The following AFF3 variants were observed in gnomAD, a reference collection of about 807,000 sequenced individuals.
AFF3 encodes the protein ALF transcription elongation factor 3, also known as AF4/FMR2 family member 3.
In AFF3, 32 loss-of-function variants were observed where a neutral mutation model predicts 129.7. That is an observed-to-expected ratio of 0.25 (90% CI 0.19 to 0.33). AFF3 has a LOEUF of 0.33. AFF3 is among the 10% of genes least tolerant of loss of function. AFF3 has a pLI of 1.00. For synonymous variants in AFF3, 644 were observed against 635.4 expected (o/e 1.01, Z -0.20); for missense variants, 1,373 against 1,592.0 (o/e 0.86, Z 2.34).
At chr2:100,122,165 T>C (rs1188304301) in intron 2 of AFF3, among the ~76,000 whole-genome samples, 2 of 152,238 alleles carry the variant, frequency 1.3e-5, no homozygotes. Flanking sequence ...TCATGACAAG[T>C]GTTACTGTCT....
chr2:99,685,821 G>A (rs1674999553), intron 11 of AFF3, among the ~76,000 whole-genome samples: 1 of 152,152 alleles, frequency 6.6e-6, no homozygotes, highest in Non-Finnish European at 1.5e-5. Flanking sequence ...TTACTATCCT[G>A]GAAGTCATGG....
intron 4 of AFF3, among the ~76,000 whole-genome samples, chr2:100,069,482 A>G (rs1184947204): frequency 6.6e-6 from 1 of 152,222 alleles, no homozygotes; most frequent in East Asian, 1.9e-4. Flanking sequence ...TTTAAATAAC[A>G]CGTAAAATAC....
At chr2:99,890,916 T>G (rs369814351) in intron 7 of AFF3, among the ~76,000 whole-genome samples, 1 of 152,154 alleles carries the variant, frequency 6.6e-6, no homozygotes, top group Admixed American at 6.5e-5. Flanking sequence ...GGAGGTATTT[T>G]GAAATGCAGA....
chr2:99,777,144 T>C (rs1354958107), intron 8 of AFF3, among the ~76,000 whole-genome samples: 1 of 152,170 alleles, frequency 6.6e-6, no homozygotes, highest in Non-Finnish European at 1.5e-5. Context: ...CAGTAGCCAG[T>C]GCCACACAAA....
At chr2:99,715,090 G>A (rs1678258376) in intron 11 of AFF3, among the ~76,000 whole-genome samples, 1 of 152,208 alleles carries the variant, frequency 6.6e-6, no homozygotes, top group African/African-American at 2.4e-5. Flanking sequence ...ACTCTGGGGA[G>A]AGGTAAAGCC....
chr2:99,795,381 T>C (rs1685487726), intron 8 of AFF3, among the ~76,000 whole-genome samples: 1 of 151,924 alleles, frequency 6.6e-6, no homozygotes, highest in South Asian at 2.1e-4. Flanking sequence ...CACTGGGGAC[T>C]CAGAAGGGCA....
intron 7 of AFF3, among the ~76,000 whole-genome samples, chr2:99,892,481 G>A (rs1451845521): frequency 6.6e-6 from 1 of 152,098 alleles, no homozygotes; most frequent in Non-Finnish European, 1.5e-5. Context: ...ACTTTATAAA[G>A]TTTAAAGAAT....
intron 1 of AFF3, among the ~76,000 whole-genome samples, chr2:100,136,675 C>T (rs1692653091): frequency 1.3e-5 from 2 of 152,100 alleles, no homozygotes; most frequent in Non-Finnish European, 2.9e-5. Flanking sequence ...TAGCACACTT[C>T]CTCTTTTTCT....
At chr2:99,617,145 C>T (rs1196728997) in intron 13 of AFF3, among the ~76,000 whole-genome samples, 1 of 152,160 alleles carries the variant, frequency 6.6e-6, no homozygotes, top group Non-Finnish European at 1.5e-5. Flanking sequence ...TGCGAACATA[C>T]GTTTTCATTT....
In AFF3 at chr2:99,891,822, C is replaced by A. The variant is rs1159431629; in HGVS notation, c.874-54298G>T. Reference sequence around the variant, plus strand: ...CTCAGGCCCTGGGCTTAAAGCCCACCAGCACATTTTTTTTTTTTGAGACAG... The same window carrying A: ...CTCAGGCCCTGGGCTTAAAGCCCACAAGCACATTTTTTTTTTTTGAGACAG... On this transcript the variant is annotated intron_variant, in intron 7 of 24. Transcript: ENST00000672756. Among the ~76,000 whole-genome samples, 11 of 143,748 alleles carry A rather than the reference C, an allele frequency of 7.7e-5. No homozygotes were observed. The East Asian group carries it at 1.9e-3, about 25-fold the overall frequency. 94.3% of individuals were successfully genotyped at this position (143,748 alleles called of 152,430 possible). A position where few individuals can be genotyped will look rare whatever the true frequency, so the allele number is the denominator to read the frequency against.
intron 2 of AFF3, among the ~76,000 whole-genome samples, chr2:100,128,165 A>G (rs1413240622): frequency 6.6e-6 from 1 of 152,230 alleles, no homozygotes; most frequent in African/African-American, 2.4e-5. Context: ...AGAAATAGCC[A>G]TAAAAATGGG....
chr2:99,830,064 T>C (rs570677423), intron 8 of AFF3, among the ~76,000 whole-genome samples: 1 of 151,382 alleles, frequency 6.6e-6, no homozygotes, highest in East Asian at 2.0e-4. Flanking sequence ...TAAGTGGGAG[T>C]TGAACAATGA....
chr2:99,895,301 A>G (rs1341567700), intron 7 of AFF3, among the ~76,000 whole-genome samples: 1 of 152,228 alleles, frequency 6.6e-6, no homozygotes, highest in Non-Finnish European at 1.5e-5. Context: ...GGTGTTTCCC[A>G]TACTTTGGAA....
chr2:99,898,897 C>A (rs768766684), intron 7 of AFF3, among the ~76,000 whole-genome samples: 1 of 152,216 alleles, frequency 6.6e-6, no homozygotes, highest in Non-Finnish European at 1.5e-5. Context: ...CCTCACAGGG[C>A]CTGTCCTGCC....
intron 2 of AFF3, among the ~76,000 whole-genome samples, chr2:100,115,674 A>C (rs1053709609): frequency 6.6e-6 from 1 of 152,132 alleles, no homozygotes; most frequent in Non-Finnish European, 1.5e-5. Flanking sequence ...TACTGATATG[A>C]TGTCTGATGT....
rs1016443217 is a variant in AFF3, at chr2:99,594,752, C to T, written c.1372-463G>A. On this transcript the variant is annotated intron_variant, in intron 14 of 24. Coordinates refer to ENST00000672756, the MANE Select transcript of AFF3 (RefSeq NM_001386135.1). Reference sequence around the variant, plus strand: ...AGGGGGACTAAGTGGAACCTACAATCCCAAACAATTAACACATGATTTATG... The same window carrying T: ...AGGGGGACTAAGTGGAACCTACAATTCCAAACAATTAACACATGATTTATG... Among the ~76,000 whole-genome samples, 21 of 152,218 alleles carry T rather than the reference C, an allele frequency of 1.4e-4. No homozygotes were observed. The South Asian group carries it at 4.1e-3, about 30-fold the overall frequency.
At chr2:99,936,919 C>G (rs1415017532) in intron 7 of AFF3, among the ~76,000 whole-genome samples, 1 of 152,178 alleles carries the variant, frequency 6.6e-6, no homozygotes, top group African/African-American at 2.4e-5. Context: ...GCACAGCTCT[C>G]AGCCTCTCAG....
rs1159737454 is a variant in AFF3, at chr2:99,944,450, C to T, written c.873+62182G>A. ...CTATTTAAATACATTATCTGCTCAC[C>T]TACAAAAGCTCTCACTTCTTCAGAA... On this transcript the variant is annotated intron_variant, in intron 7 of 24. Transcript: ENST00000672756. Among the ~76,000 whole-genome samples, 4 of 152,150 alleles carry T rather than the reference C, an allele frequency of 2.6e-5. No homozygotes were observed. In the East Asian group the frequency reaches 7.7e-4, roughly 29 times the overall value.
rs534994332 is a variant in AFF3 at position 100,052,530 on chromosome 2, C to T, written c.54-43598G>A. On this transcript the variant is annotated intron_variant, in intron 4 of 24. Transcript: ENST00000672756. The stretch of plus-strand genomic sequence containing the variant: ...GCTTAGAGTGGATCCATAACAGTCC[C>T]GTGTTAACAGCAAACTTTCACACCA... Among the ~76,000 whole-genome samples the T allele has an allele frequency of 1.5e-4, 23 of 152,146 alleles. No homozygotes were observed. The South Asian group carries it at 2.3e-3, about 15-fold the overall frequency.
Sources: gnomAD v4.1 joint callset for allele counts (sites outside exome capture counted in the v4.1 genomes callset) on GRCh38, gnomAD v4.1.1 for gene constraint, MANE v1.5 for transcripts, NCBI Gene and HGNC (gene_info 2026-07-23, HGNC 2026-07-21) for gene names.